ELOVL4: variants seen among roughly 807,000 people sequenced by gnomAD.
ELOVL4 encodes the protein ELOVL fatty acid elongase 4.
ELOVL4 carries 18 observed loss-of-function variants against 42.1 expected under a neutral mutation model. The ratio of observed to expected loss-of-function variants is 0.43; its 90% confidence interval spans 0.30 to 0.63. The LOEUF is 0.63. ELOVL4 is among the 30% of genes least tolerant of loss of function. ELOVL4 has a pLI of 0.15. For synonymous variants in ELOVL4, 117 were observed against 127.0 expected, an observed-to-expected ratio of 0.92 and a Z score of 0.53; for missense variants, 299 against 376.2, an observed-to-expected ratio of 0.79 and a Z score of 1.70.
chr6:79,917,797 G>A (rs1774186997), intron 5 of ELOVL4, among the ~76,000 whole-genome samples: 1 of 151,628 alleles, frequency 6.6e-6, no homozygotes, highest in South Asian at 2.1e-4. Context: ...CTCCAACTTG[G>A]GCAACAAGAG....
chr6:79,924,760 A>C (rs1774316006), intron 3 of ELOVL4, among the ~76,000 whole-genome samples, 192 bp downstream of exon 3: 1 of 152,176 alleles, frequency 6.6e-6, no homozygotes. Context: ...AATTGAGCCC[A>C]GGAGTTTGAG....
chr6:79,928,510 G>GAAAA (rs1774383356), intron 1 of ELOVL4, among the ~76,000 whole-genome samples: 1 of 152,112 alleles, frequency 6.6e-6, no homozygotes, highest in South Asian at 2.1e-4. Flanking sequence ...TTGATGTACA[G>GAAAA]TGTGGTATGC....
chr6:79,944,234 C>T (rs967762621), intron 1 of ELOVL4, among the ~76,000 whole-genome samples: 1 of 152,092 alleles, frequency 6.6e-6, no homozygotes, highest in Non-Finnish European at 1.5e-5. Context: ...AATGTATATA[C>T]AACTTTTATT....
chr6:79,943,528 TAGG>T (rs1287744276), intron 1 of ELOVL4, among the ~76,000 whole-genome samples: 9 of 152,288 alleles, frequency 5.9e-5, no homozygotes, highest in African/African-American at 2.2e-4. Context: ...TCCTTTCACT[TAGG>T]AGAAGTAGAG....
At chr6:79,923,231 C>T (rs554467109) in intron 3 of ELOVL4, among the ~76,000 whole-genome samples, 5 of 152,078 alleles carry the variant, frequency 3.3e-5, no homozygotes, top group Admixed American at 1.3e-4. Flanking sequence ...TGAGTCTCTG[C>T]GTAAAATATT....
intron 4 of ELOVL4, among the ~76,000 whole-genome samples, chr6:79,920,844 G>A (rs899841379): frequency 9.2e-5 from 14 of 152,138 alleles, no homozygotes; most frequent in African/African-American, 3.4e-4. Flanking sequence ...ATCACATGAG[G>A]TCAGGTGTGT....
Position 79,921,655 on chromosome 6 carries a change from T to C in ELOVL4, c.511A>G (p.Ile171Val). 1 of 1,613,812 alleles carries C rather than the reference T, an allele frequency of 6.2e-7. No homozygotes were observed. The highest frequency in any genetic ancestry group is 2.2e-5 in the East Asian group (1 of 44,834). ...CCTCCTGCAACCCACTTAATTCCAA[T>C]CCACCACAAGGTAAACATCGTACAG... ...HHCTMFTLWW[I>V]GIKWVAGGQA... is the part of the protein sequence containing the mutation. The change falls in exon 4 of 6, where the codon ATT (isoleucine) becomes GTT (valine). Residue 171 changes from isoleucine to valine, a missense_variant. Transcript: ENST00000369816.
Position 79,947,303 on chromosome 6 carries a change from G to T in ELOVL4, c.-24C>A, listed in dbSNP as rs996816641. The T allele has an allele frequency of 6.3e-7, 1 of 1,588,684 alleles. No individual in the cohort carries two copies. The highest frequency in any genetic ancestry group is 8.6e-7 in the Non-Finnish European group (1 of 1,160,948). ...ATCGCGGCGATGAGCGGGCGCTGGC[G>T]GCAGGAGAAAGCGGAGACCCAGAGA... On this transcript the variant is annotated 5_prime_UTR_variant, in exon 1 of 6. Transcript: ENST00000369816.
chr6:79,926,714 T>C (rs1774348599), intron 1 of ELOVL4, among the ~76,000 whole-genome samples: 1 of 152,114 alleles, frequency 6.6e-6, no homozygotes, highest in Non-Finnish European at 1.5e-5. Flanking sequence ...ACACAGAAAA[T>C]AAATATGTTA....
chr6:79,918,464 G>A (rs940016513), intron 5 of ELOVL4, among the ~76,000 whole-genome samples: 3 of 152,164 alleles, frequency 2.0e-5, no homozygotes, highest in African/African-American at 7.2e-5. Context: ...TACACAAACT[G>A]TGTTAACAGC....
At position 79,916,274 on chromosome 6, in the gene ELOVL4, C is replaced by T. The variant is rs1195864287; in HGVS notation, c.*334G>A. 1.7e-5 allele frequency: 4 copies of T among 234,648 alleles called. No homozygotes were observed. The South Asian group carries it at 2.3e-4, about 14-fold the overall frequency. The allele number at this position is 234,648 out of a possible 1,614,324, so 14.5% of individuals were successfully genotyped here. ...TTCTGTGATCGTCTAAAATTCAGACCGAAGAATGAGTGACTATAAGATACA... is the reference window on the plus strand; with the variant it reads ...TTCTGTGATCGTCTAAAATTCAGACTGAAGAATGAGTGACTATAAGATACA... On this transcript the variant is annotated 3_prime_UTR_variant, in exon 6 of 6. Transcript: ENST00000369816.
intron 1 of ELOVL4, among the ~76,000 whole-genome samples, chr6:79,930,045 T>C (rs181886409): frequency 1.3e-5 from 2 of 152,358 alleles, no homozygotes; most frequent in South Asian, 2.1e-4. Flanking sequence ...GAACCCTTCC[T>C]AGAGCTTTTC....
chr6:79,924,896 G>C, intron 3 of ELOVL4, 56 bp downstream of exon 3: 1 of 1,020,438 alleles, frequency 9.8e-7, no homozygotes. Flanking sequence ...TCACAGACTG[G>C]GGCCTATAAA....
Position 79,947,354 on chromosome 6 carries a change from G to T in ELOVL4, c.-75C>A. The T allele has an allele frequency of 8.4e-7, 1 of 1,187,600 alleles. No individual in the cohort carries two copies. Among genetic ancestry groups the T allele is most frequent in the Non-Finnish European group, 1.2e-6 (1 of 820,832 alleles). 73.6% of individuals were successfully genotyped at this position (1,187,600 alleles called of 1,614,324 possible). A position where few individuals can be genotyped will look rare whatever the true frequency, so the allele number is the denominator to read the frequency against. On this transcript the variant is annotated 5_prime_UTR_variant, in exon 1 of 6. Coordinates refer to ENST00000369816, the MANE Select transcript of ELOVL4 (RefSeq NM_022726.4). ...GAGGGCTGACCCCGGAGGCGGTGGC[G>T]GCCGACGGGGCGAGCGGCGGCCGGG...
chr6:79,943,517 T>A (rs759968946), intron 1 of ELOVL4, among the ~76,000 whole-genome samples: 8 of 152,198 alleles, frequency 5.3e-5, no homozygotes, highest in Non-Finnish European at 1.2e-4. Context: ...CAACTGTATA[T>A]TCCTTTCACT....
At chr6:79,947,083 G>T in intron 1 of ELOVL4, 97 bp downstream of exon 1, 1 of 1,001,526 alleles carries the variant, frequency 1.0e-6, no homozygotes, top group Non-Finnish European at 1.5e-6. Context: ...GCCGCAGGGC[G>T]CGGGGGCCTG....
At chr6:79,935,694 C>T (rs1008643670) in intron 1 of ELOVL4, among the ~76,000 whole-genome samples, 5 of 152,118 alleles carry the variant, frequency 3.3e-5, no homozygotes, top group East Asian at 1.9e-4. Context: ...CAATATAATA[C>T]GGTTCCAGAA....
At position 79,947,531 on chromosome 6, in the gene ELOVL4, C is replaced by A; in HGVS notation, c.-252G>T. 1.9e-6 allele frequency: 1 copy of A among 524,516 alleles called. No individual in the cohort carries two copies. The highest frequency in any genetic ancestry group is 3.4e-6 in the Non-Finnish European group (1 of 291,136). The allele number at this position is 524,516 out of a possible 1,614,324, so 32.5% of individuals were successfully genotyped here. On this transcript the variant is annotated 5_prime_UTR_variant, in exon 1 of 6. Transcript: ENST00000369816. ...GAGGTGGAGGAGGCCCAGCCGCCAGCACAGTGCGCTGCACCAGTCTGCAGC... is the reference window on the plus strand; with the variant it reads ...GAGGTGGAGGAGGCCCAGCCGCCAGAACAGTGCGCTGCACCAGTCTGCAGC...
chr6:79,920,380 A>G (rs1012052637), intron 4 of ELOVL4, among the ~76,000 whole-genome samples: 4 of 152,196 alleles, frequency 2.6e-5, no homozygotes, highest in African/African-American at 9.6e-5. Flanking sequence ...GATCTTGGCC[A>G]AGCTATGAAT....
Sources: allele counts gnomAD v4.1 joint callset (sites outside exome capture counted in the v4.1 genomes callset), GRCh38; gene constraint gnomAD v4.1.1; transcripts MANE v1.5; gene names NCBI Gene and HGNC (gene_info 2026-07-23, HGNC 2026-07-21).